Variants in UBR1 observed in about 807,000 individuals in gnomAD.
UBR1 encodes E3 ubiquitin-protein ligase UBR1.
Under a neutral mutation model 242.1 loss-of-function variants are expected in UBR1, and 102 were observed. That is an observed-to-expected ratio of 0.42 (90% CI 0.36 to 0.50). The LOEUF (loss-of-function observed/expected upper bound fraction) is 0.50, where lower values mean the gene tolerates loss of function less well. UBR1 is among the 20% of genes least tolerant of loss of function. The probability of loss-of-function intolerance (pLI) is 0.01; values close to 1 mark genes in which losing one functional copy is unlikely to be tolerated. For missense variants in UBR1, 1,772 were observed against 2,101.8 expected, an observed-to-expected ratio of 0.84 and a Z score of 3.07; for synonymous variants, 675 against 684.8, an observed-to-expected ratio of 0.99 and a Z score of 0.22.
chr15:42,952,445 G>A lies in UBR1; in HGVS notation c.4839C>T (p.Cys1613=). ...CLLNQASHFR[C]PRSADDERKH... ...TTCGCTCATCATCTGCAGACCGTGG[G>A]CACCTCAAAAGAGAAGAAAACATTT... Residue 1613 remains cysteine, a synonymous_variant, in exon 45 of 47, where the codon TGC becomes TGT. Coordinates refer to ENST00000290650, the MANE Select transcript of UBR1 (RefSeq NM_174916.3). 1 of 1,614,198 alleles carries A rather than the reference G, an allele frequency of 6.2e-7. No individual in the cohort carries two copies. The highest frequency in any genetic ancestry group is 8.5e-7 in the Non-Finnish European group (1 of 1,180,034).
chr15:43,001,320 T>C (rs1320990638), intron 32 of UBR1, among the ~76,000 whole-genome samples: 3 of 152,042 alleles, frequency 2.0e-5, no homozygotes, highest in African/African-American at 4.8e-5. Context: ...ACTAATTTTT[T>C]TGTATTTTTA....
intron 19 of UBR1, 51 bp from the exon 20 acceptor site, chr15:43,032,682 A>G: frequency 2.7e-6 from 3 of 1,130,248 alleles, no homozygotes; most frequent in Non-Finnish European, 3.9e-6. Context: ...AAAAACCTCC[A>G]TAAAACATGC....
intron 1 of UBR1, among the ~76,000 whole-genome samples, chr15:43,087,653 A>G (rs2034053907): frequency 6.6e-6 from 1 of 152,208 alleles, no homozygotes; most frequent in Non-Finnish European, 1.5e-5. Flanking sequence ...CAATTTGTAG[A>G]CAGTTATTAA....
intron 35 of UBR1, among the ~76,000 whole-genome samples, chr15:42,986,589 T>C (rs987392584): frequency 6.6e-5 from 10 of 152,232 alleles, no homozygotes; most frequent in African/African-American, 2.4e-4. Flanking sequence ...TTCTTATCAA[T>C]TTGTTCAGAC....
chr15:43,013,875 T>G (rs8041031), intron 29 of UBR1, among the ~76,000 whole-genome samples: 1 of 132,586 alleles, frequency 7.5e-6, no homozygotes, highest in Non-Finnish European at 1.6e-5. Flanking sequence ...CCCTTCCCCC[T>G]CCCCCTCCCC....
At chr15:43,017,048 A>C in intron 28 of UBR1, 47 bp downstream of exon 28, 1 of 1,484,376 alleles carries the variant, frequency 6.7e-7, no homozygotes, top group African/African-American at 1.4e-5. Context: ...AAGTTCAAAG[A>C]CAGAGATGAA....
At chr15:43,081,212 T>G (rs1486564573) in intron 3 of UBR1, among the ~76,000 whole-genome samples, 1 of 149,950 alleles carries the variant, frequency 6.7e-6, no homozygotes, top group Non-Finnish European at 1.5e-5. Flanking sequence ...AGGTCAGGAG[T>G]TCAAGACCAG....
At chr15:43,081,877 A>T (rs1951893993) in intron 3 of UBR1, among the ~76,000 whole-genome samples, 1 of 152,060 alleles carries the variant, frequency 6.6e-6, no homozygotes, top group Non-Finnish European at 1.5e-5. Flanking sequence ...ACATAAAGGC[A>T]TTTACTGTAA....
At chr15:42,970,721 C>A in intron 39 of UBR1, 114 bp from the exon 40 acceptor site, 2 of 933,302 alleles carry the variant, frequency 2.1e-6, no homozygotes, top group Non-Finnish European at 3.2e-6. Context: ...AACTGAGGTT[C>A]TTTCCTTTTT....
chr15:42,969,433 T>C (rs1473085623), intron 40 of UBR1, among the ~76,000 whole-genome samples: 3 of 152,234 alleles, frequency 2.0e-5, no homozygotes, highest in African/African-American at 2.4e-5. Flanking sequence ...GTCAGATGGA[T>C]AGATTGCAAA....
At chr15:43,053,550 C>T (rs557913427) in intron 12 of UBR1, among the ~76,000 whole-genome samples, 162 of 152,220 alleles carry the variant, frequency 1.1e-3, no homozygotes, top group African/African-American at 3.8e-3. Context: ...ATTTACCTAC[C>T]ATCTCCACTT....
chr15:42,988,768 C>T, intron 35 of UBR1, 51 bp downstream of exon 35: 2 of 1,610,102 alleles, frequency 1.2e-6, no homozygotes, highest in South Asian at 2.2e-5. Context: ...AATGAATGAT[C>T]AAAGTTAATT....
chr15:43,076,268 T>C (rs1186508256), intron 3 of UBR1, among the ~76,000 whole-genome samples: 1 of 152,058 alleles, frequency 6.6e-6, no homozygotes, highest in African/African-American at 2.4e-5. Context: ...AGACGGAGTC[T>C]CGTTCACTCA....
intron 1 of UBR1, among the ~76,000 whole-genome samples, chr15:43,093,533 C>T (rs1260847946): frequency 1.3e-5 from 2 of 152,138 alleles, no homozygotes; most frequent in East Asian, 3.8e-4. Flanking sequence ...ATAACCCTAG[C>T]CCTTTGGGAG....
chr15:43,079,849 A>G (rs994452441), intron 3 of UBR1, among the ~76,000 whole-genome samples: 5 of 152,236 alleles, frequency 3.3e-5, no homozygotes, highest in African/African-American at 1.2e-4. Flanking sequence ...AGATATCATA[A>G]TGACAAGAAA....
At chr15:43,045,816 GA>G (rs1490413687) in intron 14 of UBR1, among the ~76,000 whole-genome samples, 7 of 152,014 alleles carry the variant, frequency 4.6e-5, no homozygotes, top group Non-Finnish European at 7.4e-5. Context: ...GAAGGCACTA[GA>G]AAAAAAGGTA....
intron 1 of UBR1, among the ~76,000 whole-genome samples, chr15:43,097,395 T>C (rs1018795078): frequency 3.6e-4 from 55 of 152,326 alleles, no homozygotes; most frequent in African/African-American, 1.3e-3. Flanking sequence ...TAAATGGAAA[T>C]TGGCTTCAAC....
intron 29 of UBR1, among the ~76,000 whole-genome samples, chr15:43,009,096 C>T (rs1460733636): frequency 6.6e-6 from 1 of 152,218 alleles, no homozygotes; most frequent in Non-Finnish European, 1.5e-5. Flanking sequence ...CTGAAATGCC[C>T]ACACCCAAAG....
At chr15:43,004,350 CCTCCT>C (rs202086934) in intron 30 of UBR1, among the ~76,000 whole-genome samples, 92 of 147,124 alleles carry the variant, frequency 6.3e-4, no homozygotes, top group African/African-American at 2.1e-3. Flanking sequence ...TCTCTCTCTC[CCTCCT>C]CTCCTCTCCC....
Sources: allele counts gnomAD v4.1 joint callset (sites outside exome capture counted in the v4.1 genomes callset), GRCh38; gene constraint gnomAD v4.1.1; transcripts MANE v1.5; gene names NCBI Gene and HGNC (gene_info 2026-07-23, HGNC 2026-07-21).